Variants in UPF2 observed in about 807,000 individuals in gnomAD.
The protein encoded by UPF2 is UPF2 regulator of nonsense mediated mRNA decay, also known as regulator of nonsense transcripts 2.
Under a neutral mutation model 141.4 loss-of-function variants are expected in UPF2, and 17 were observed. That is an observed-to-expected ratio of 0.12 (90% CI 0.08 to 0.18). The LOEUF (loss-of-function observed/expected upper bound fraction) is 0.18, where lower values mean the gene tolerates loss of function less well. Ranked by LOEUF, UPF2 falls within the 10% of genes least tolerant of loss-of-function variation. The probability of loss-of-function intolerance (pLI) is 1.00; values close to 1 mark genes in which losing one functional copy is unlikely to be tolerated. For missense variants in UPF2, 1,152 were observed against 1,515.9 expected, an observed-to-expected ratio of 0.76 and a Z score of 3.99; for synonymous variants, 540 against 498.0, an observed-to-expected ratio of 1.08 and a Z score of -1.12.
At position 12,019,990 on chromosome 10, in the gene UPF2, G is replaced by T. The variant is rs554640311; in HGVS notation, c.1146-5806C>A. 1.3e-5 allele frequency among the ~76,000 whole-genome samples: 2 copies of T among 152,078 alleles called. No homozygotes were observed. The highest frequency in any genetic ancestry group is 2.9e-5 in the Non-Finnish European group (2 of 68,020). The stretch of plus-strand genomic sequence containing the variant: ...TCTGCCCACCTCAGCCTCCCAAACC[G>T]CTGGGATTACAGGCATGAGCCACCA... On this transcript the variant is annotated intron_variant, in intron 3 of 21. Transcript: ENST00000357604. The surrounding 1 kb of genome is among the most constrained non-coding windows in gnomAD (Gnocchi z 4.5).
chr10:11,934,596 A>C (rs147163906), intron 19 of UPF2, among the ~76,000 whole-genome samples: 135 of 152,050 alleles, frequency 8.9e-4, no homozygotes, highest in African/African-American at 2.6e-3. Context: ...TTATTTATTT[A>C]TTTCTTTTTT....
In UPF2 at chr10:11,955,467, G is replaced by A. The variant is rs1833133659; in HGVS notation, c.2615C>T (p.Ala872Val). 1 of 1,613,776 alleles carries A rather than the reference G, an allele frequency of 6.2e-7. No individual in the cohort carries two copies. Residue 872 changes from alanine (A) to valine (V), a missense_variant, in exon 14 of 22, where the codon GCC becomes GTC. Ala to Val is a moderately conservative substitution (Grantham distance 64, BLOSUM62 0). Around this residue, in one of 4 missense-constraint regions of UPF2, gnomAD observed 739 missense variants for 1,032.2 expected, o/e 0.72. Coordinates refer to ENST00000357604, the MANE Select transcript of UPF2 (RefSeq NM_015542.4). ...PKFNQRRISSAKFLGELYNYR... is the reference protein window; with the variant it reads ...PKFNQRRISSVKFLGELYNYR... ...ATTGTAAAGTTCTCCTAAGAACTTGGCACTGCTGATGCGCCTCTGATTAAA... is the reference window on the plus strand; with the variant it reads ...ATTGTAAAGTTCTCCTAAGAACTTGACACTGCTGATGCGCCTCTGATTAAA...
At chr10:11,972,223 C>T (rs1833430886) in intron 9 of UPF2, among the ~76,000 whole-genome samples, 1 of 152,170 alleles carries the variant, frequency 6.6e-6, no homozygotes, top group African/African-American at 2.4e-5. Context: ...AATAGTTATT[C>T]ACCCAAATAG....
chr10:11,928,345 G>A (rs1366157106), intron 21 of UPF2, among the ~76,000 whole-genome samples: 1 of 151,426 alleles, frequency 6.6e-6, no homozygotes, highest in Non-Finnish European at 1.5e-5. Flanking sequence ...TCAAAAAAAA[G>A]AACAAAATTA....
intron 3 of UPF2, among the ~76,000 whole-genome samples, chr10:12,015,072 A>C (rs1229160248): frequency 3.3e-5 from 5 of 152,248 alleles, no homozygotes; most frequent in Non-Finnish European, 7.3e-5. Context: ...ATATAGCTGG[A>C]TCCAATTTTT....
At chr10:11,971,838 C>T (rs564010456) in intron 9 of UPF2, among the ~76,000 whole-genome samples, 3 of 152,056 alleles carry the variant, frequency 2.0e-5, no homozygotes, top group Non-Finnish European at 2.9e-5. Flanking sequence ...CCAAGGCAGG[C>T]GGATCACTTA....
In UPF2 at chr10:12,000,029, T is replaced by G. The variant is rs753695822; in HGVS notation, c.1655-20A>C. ...CTTGTTCTAATGTAAAATTAGTTTTTAAATAGGTTAAAAAAAAAAGAGAAC... is the reference window on the plus strand; with the variant it reads ...CTTGTTCTAATGTAAAATTAGTTTTGAAATAGGTTAAAAAAAAAAGAGAAC... On this transcript the variant is annotated intron_variant, in intron 6 of 21. Transcript: ENST00000357604. The G allele has an allele frequency of 3.2e-6, 5 of 1,543,806 alleles. No homozygotes were observed. The highest frequency in any genetic ancestry group is 4.4e-6 in the Non-Finnish European group (5 of 1,135,978).
chr10:11,948,989 A>C (rs1027369885), intron 15 of UPF2, among the ~76,000 whole-genome samples: 3 of 152,194 alleles, frequency 2.0e-5, no homozygotes, highest in African/African-American at 4.8e-5. Flanking sequence ...AATGTATGCA[A>C]ATTAAGACGG....
chr10:11,967,988 G>C (rs1833350359), intron 9 of UPF2, among the ~76,000 whole-genome samples: 1 of 152,148 alleles, frequency 6.6e-6, no homozygotes, highest in Non-Finnish European at 1.5e-5. Flanking sequence ...GAGACTGCCT[G>C]GCCAAGATGG....
Position 11,959,214 on chromosome 10 carries a change from C to T in UPF2, c.2327G>A (p.Arg776Gln), listed in dbSNP as rs748880785. The T allele has an allele frequency of 9.9e-6, 16 of 1,610,502 alleles. No individual in the cohort carries two copies. The highest frequency in any genetic ancestry group is 1.3e-5 in the Non-Finnish European group (15 of 1,178,938). The change falls in exon 12 of 22, where the codon CGG becomes CAG. Residue 776 changes from arginine (R) to glutamine (Q), a missense_variant. Arg to Gln is a conservative substitution (Grantham distance 43). Coordinates refer to ENST00000357604, the MANE Select transcript of UPF2 (RefSeq NM_015542.4). This position sits in a 1 kb window ranked among gnomAD's most constrained non-coding sequence, Gnocchi z 5.9. The stretch of plus-strand genomic sequence containing the variant: ...AGAGAGATCCTTGTACAAAAGTTTC[C>T]GGACATATTCCTGGAGAGGAGGACG... ...KKRPPLQEYV[R>Q]KLLYKDLSKV...
chr10:11,983,566 G>C (rs1043750024), intron 8 of UPF2, among the ~76,000 whole-genome samples: 1 of 152,112 alleles, frequency 6.6e-6, no homozygotes, highest in African/African-American at 2.4e-5. Context: ...TAGAGACGGG[G>C]TTTCACTGTA....
intron 2 of UPF2, 53 bp from the exon 3 acceptor site, chr10:12,029,577 T>C (rs1834479490): frequency 1.3e-6 from 2 of 1,502,344 alleles, no homozygotes; most frequent in South Asian, 1.3e-5. Flanking sequence ...TGAAGCATTA[T>C]ACACAAATCC....
At position 11,959,433 on chromosome 10, in the gene UPF2, A is replaced by C. The variant is rs1833206278; in HGVS notation, c.2185-77T>G. ...TACTCCTAACTAAACTTCTATTCTC[A>C]GTGATTTGCTATTTCAAAGTAATGG... On this transcript the variant is annotated intron_variant, in intron 11 of 21. Coordinates refer to ENST00000357604, the MANE Select transcript of UPF2 (RefSeq NM_015542.4). The surrounding 1 kb of genome is among the most constrained non-coding windows in gnomAD (Gnocchi z 5.9). 28 of 1,419,782 alleles carry C rather than the reference A, an allele frequency of 2.0e-5. No individual in the cohort carries two copies. Among genetic ancestry groups the C allele is most frequent in the East Asian group, 2.4e-5 (1 of 41,550 alleles). 87.9% of individuals were successfully genotyped at this position (1,419,782 alleles called of 1,614,324 possible).
rs116798722 is a variant in UPF2 at position 12,033,588 on chromosome 10, T to G, written c.365+1471A>C. 3.4e-4 allele frequency among the ~76,000 whole-genome samples: 52 copies of G among 152,270 alleles called. 1 individual carries two copies. Among genetic ancestry groups the G allele is most frequent in the African/African-American group, 1.2e-3 (51 of 41,544 alleles). On this transcript the variant is annotated intron_variant, in intron 2 of 21. Coordinates refer to ENST00000357604, the MANE Select transcript of UPF2 (RefSeq NM_015542.4). ...GCAAATATCCTTAAGACAGTACCAA[T>G]GAAGTTAAATTCTACAAGCCTCATT...
chr10:12,026,499 T>C (rs1484994077), intron 3 of UPF2, among the ~76,000 whole-genome samples: 2 of 152,152 alleles, frequency 1.3e-5, no homozygotes, highest in Non-Finnish European at 2.9e-5. Context: ...TCTGAGATAC[T>C]GTCATGGGAA....
intron 4 of UPF2, among the ~76,000 whole-genome samples, chr10:12,011,748 C>T (rs1834131197): frequency 6.6e-6 from 1 of 151,790 alleles, no homozygotes; most frequent in Non-Finnish European, 1.5e-5. Flanking sequence ...GAGTTCGAGA[C>T]CAGCCTGACC....
intron 14 of UPF2, among the ~76,000 whole-genome samples, chr10:11,954,520 G>A (rs1267445684): frequency 2.6e-5 from 4 of 151,508 alleles, no homozygotes; most frequent in Admixed American, 6.6e-5. Flanking sequence ...TGTAATCCCA[G>A]GTACTCTGGA....
At position 11,921,007 on chromosome 10, in the gene UPF2, T is replaced by G. The variant is rs765414876; in HGVS notation, c.*291A>C. 1.5e-6 allele frequency: 1 copy of G among 654,966 alleles called. No homozygotes were observed. Among genetic ancestry groups the G allele is most frequent in the East Asian group, 3.4e-5 (1 of 29,810 alleles). 40.6% of individuals were successfully genotyped at this position (654,966 alleles called of 1,614,324 possible). A position where few individuals can be genotyped will look rare whatever the true frequency, so the allele number is the denominator to read the frequency against. The stretch of plus-strand genomic sequence containing the variant: ...CGCTCTCCTTGGTGTAACTGCTCAG[T>G]AGTCAAGTGAACCATCTCATTTCTT... On this transcript the variant is annotated 3_prime_UTR_variant, in exon 22 of 22. Coordinates refer to ENST00000357604, the MANE Select transcript of UPF2 (RefSeq NM_015542.4). This position sits in a 1 kb window ranked among gnomAD's most constrained non-coding sequence, Gnocchi z 5.9.
At chr10:11,996,978 C>G (rs540228760) in intron 8 of UPF2, among the ~76,000 whole-genome samples, 1 of 152,230 alleles carries the variant, frequency 6.6e-6, no homozygotes, top group South Asian at 2.1e-4. Context: ...ATGTAATCAT[C>G]TTAATAGTTA....
Sources: gnomAD v4.1 joint callset for allele counts (sites outside exome capture counted in the v4.1 genomes callset) on GRCh38, gnomAD v4.1.1 for gene constraint, gnomAD v4.1.1 regional missense constraint, Gnocchi (gnomAD v3.1) non-coding constraint, MANE v1.5 for transcripts, NCBI Gene and HGNC (gene_info 2026-07-23, HGNC 2026-07-21) for gene names.